Variants in PRDM5 observed in about 807,000 individuals in gnomAD.
The protein encoded by PRDM5 is PR domain zinc finger protein 5.
PRDM5 carries 56 observed loss-of-function variants against 81.2 expected under a neutral mutation model. The observed-to-expected ratio is 0.69, with a 90% CI of 0.56 to 0.86. The LOEUF (loss-of-function observed/expected upper bound fraction) is 0.86, where lower values mean the gene tolerates loss of function less well. Among genes scored for constraint, PRDM5 ranks in the 40% least tolerant of loss-of-function variants. The pLI is 0.00. For missense variants in PRDM5, 697 were observed against 770.1 expected, an observed-to-expected ratio of 0.91 and a Z score of 1.12; for synonymous variants, 267 against 256.4, an observed-to-expected ratio of 1.04 and a Z score of -0.39.
At chr4:120,792,004 T>C (rs1578750462) in intron 10 of PRDM5, among the ~76,000 whole-genome samples, 2 of 152,154 alleles carry the variant, frequency 1.3e-5, no homozygotes, top group African/African-American at 4.8e-5. Context: ...CTGTGAGAAA[T>C]AACTGTTTGT....
chr4:120,793,449 T>C (rs1001601734), intron 10 of PRDM5, among the ~76,000 whole-genome samples: 2 of 152,174 alleles, frequency 1.3e-5, no homozygotes, highest in Non-Finnish European at 2.9e-5. Context: ...ATAATAAATA[T>C]GATGCACTTG....
intron 3 of PRDM5, among the ~76,000 whole-genome samples, chr4:120,832,571 G>A (rs1186620963): frequency 6.6e-6 from 1 of 152,098 alleles, no homozygotes; most frequent in Non-Finnish European, 1.5e-5. Context: ...GAGCTTGTGA[G>A]CCCCCTGAGG....
chr4:120,821,912 T>C (rs953430552), intron 3 of PRDM5, among the ~76,000 whole-genome samples: 4 of 149,710 alleles, frequency 2.7e-5, no homozygotes, highest in Admixed American at 1.3e-4. Flanking sequence ...CTCTTTGGTC[T>C]CTAAATCCCA....
chr4:120,872,866 C>T (rs1261661362), intron 2 of PRDM5, among the ~76,000 whole-genome samples: 1 of 152,030 alleles, frequency 6.6e-6, no homozygotes, highest in Non-Finnish European at 1.5e-5. Flanking sequence ...ATAGAGTTTC[C>T]GATCTGCAAG....
At chr4:120,921,167 G>A (rs1277027106) in intron 1 of PRDM5, among the ~76,000 whole-genome samples, 1 of 152,116 alleles carries the variant, frequency 6.6e-6, no homozygotes, top group Non-Finnish European at 1.5e-5. Flanking sequence ...TTTAAGGAAG[G>A]TCTGTTTGAG....
intron 8 of PRDM5, among the ~76,000 whole-genome samples, chr4:120,807,975 T>C (rs1341635640): frequency 6.6e-6 from 1 of 152,192 alleles, no homozygotes. Flanking sequence ...CTGGAGTTGT[T>C]TGCTCCTCCC....
chr4:120,792,300 G>A (rs1296289588), intron 10 of PRDM5, among the ~76,000 whole-genome samples: 1 of 152,132 alleles, frequency 6.6e-6, no homozygotes, highest in Non-Finnish European at 1.5e-5. Context: ...TCACTCCACT[G>A]GTGCGGAGAC....
intron 15 of PRDM5, among the ~76,000 whole-genome samples, chr4:120,708,832 G>A (rs1273498590): frequency 6.6e-6 from 1 of 152,072 alleles, no homozygotes; most frequent in Admixed American, 6.6e-5. Context: ...GTGGGAAACA[G>A]TGACTTCTAT....
chr4:120,711,825 C>T (rs550046535), intron 14 of PRDM5, among the ~76,000 whole-genome samples: 20 of 152,116 alleles, frequency 1.3e-4, no homozygotes, highest in Non-Finnish European at 2.8e-4. Context: ...TTTTTATCAC[C>T]ATCTTTTTAG....
chr4:120,887,786 CTTTTTTTTTTT>C (rs773355512), intron 2 of PRDM5, among the ~76,000 whole-genome samples: 3 of 85,208 alleles, frequency 3.5e-5, no homozygotes, highest in African/African-American at 7.1e-5. Context: ...ACATTTTATC[CTTTTTTTTTTT>C]TTTTTTTTTT....
chr4:120,887,021 C>T (rs1763514896), intron 2 of PRDM5, among the ~76,000 whole-genome samples: 1 of 151,750 alleles, frequency 6.6e-6, no homozygotes, highest in African/African-American at 2.4e-5. Context: ...TCTCGGCTCA[C>T]TGCAACCTCC....
chr4:120,730,299 G>A (rs928602290), intron 14 of PRDM5, among the ~76,000 whole-genome samples: 7 of 151,992 alleles, frequency 4.6e-5, no homozygotes, highest in Non-Finnish European at 1.0e-4. Context: ...GATATTTTAC[G>A]TATTATATTA....
At chr4:120,907,620 G>T in intron 1 of PRDM5, 63 bp from the exon 2 acceptor site, 3 of 1,320,198 alleles carry the variant, frequency 2.3e-6, no homozygotes, top group South Asian at 1.2e-5. Flanking sequence ...TAAAATAAAC[G>T]ACTTTTTTCT....
chr4:120,907,439 T>C, intron 2 of PRDM5, 35 bp downstream of exon 2: 1 of 1,487,138 alleles, frequency 6.7e-7, no homozygotes, highest in Non-Finnish European at 9.4e-7. Flanking sequence ...ACAATACAAA[T>C]ATATTTTTAA....
rs573201819 is a variant in PRDM5 at position 120,827,314 on chromosome 4, T to C, written c.301-5969A>G. On this transcript the variant is annotated intron_variant, in intron 3 of 15. Transcript: ENST00000264808. ...GCTTCTCCAAATATGATGGTTGTCATGGTTTTCAAAAAAACTTTTGTAATA... is the reference window on the plus strand; with the variant it reads ...GCTTCTCCAAATATGATGGTTGTCACGGTTTTCAAAAAAACTTTTGTAATA... Among the ~76,000 whole-genome samples the C allele has an allele frequency of 3.3e-5, 5 of 152,212 alleles. No individual in the cohort carries two copies. The East Asian group carries it at 9.7e-4, about 29-fold the overall frequency.
chr4:120,816,627 C>G (rs2149337143), intron 6 of PRDM5, 53 bp from the exon 7 acceptor site: 1 of 1,611,504 alleles, frequency 6.2e-7, no homozygotes, highest in South Asian at 1.1e-5. Flanking sequence ...GACATACCTA[C>G]AAAACTCAAA....
chr4:120,885,855 T>C (rs1328108411), intron 2 of PRDM5: 2 of 152,010 alleles, frequency 1.3e-5, no homozygotes, highest in Non-Finnish European at 2.9e-5. Context: ...ACAAAGGGAA[T>C]GGAAGTACTC....
chr4:120,739,303 T>C (rs1741559322), intron 14 of PRDM5, among the ~76,000 whole-genome samples: 1 of 152,202 alleles, frequency 6.6e-6, no homozygotes. Flanking sequence ...TACTTCTTAA[T>C]GTAAAGAGCA....
intron 1 of PRDM5, among the ~76,000 whole-genome samples, chr4:120,911,135 G>A (rs1401780507): frequency 6.6e-6 from 1 of 152,184 alleles, no homozygotes; most frequent in African/African-American, 2.4e-5. Flanking sequence ...TGATATTTTA[G>A]AGAGTAGCCA....
Sources: allele counts gnomAD v4.1 joint callset (sites outside exome capture counted in the v4.1 genomes callset), GRCh38; gene constraint gnomAD v4.1.1; transcripts MANE v1.5; gene names NCBI Gene and HGNC (gene_info 2026-07-23, HGNC 2026-07-21).